LRCH3: variants seen among roughly 807,000 people sequenced by gnomAD.
The protein encoded by LRCH3 is leucine rich repeats and calponin homology domain containing 3.
LRCH3 carries 68 observed loss-of-function variants against 104.5 expected under a neutral mutation model. The observed-to-expected ratio is 0.65, with a 90% confidence interval of 0.54 to 0.80. The LOEUF is 0.80. LRCH3 is among the 30% of genes least tolerant of loss of function. LRCH3 has a pLI of 0.00. For missense variants in LRCH3, 951 were observed against 953.9 expected (o/e 1.00, Z 0.04); for synonymous variants, 344 against 361.3 (o/e 0.95, Z 0.54).
At chr3:197,876,251 A>G (rs1712874791) in intron 20 of LRCH3, 1 of 152,400 alleles carries the variant, frequency 6.6e-6, no homozygotes, top group African/African-American at 2.4e-5. Flanking sequence ...AACATAGGAC[A>G]GTAATTCAAA....
chr3:197,880,660 G>C, intron 20 of LRCH3: 1 of 1,536,714 alleles, frequency 6.5e-7, no homozygotes. Flanking sequence ...GCATTTTACT[G>C]TACTGTGATG....
chr3:197,858,814 CTT>C lies in LRCH3; in HGVS notation c.1645-18_1645-17del, dbSNP rs779137544. On this transcript the variant is annotated intron_variant, in intron 14 of 20. Coordinates refer to ENST00000425562, the MANE Select transcript of LRCH3 (RefSeq NM_001365715.1). ...ATAAATGCTGCCTTCTGTTTCTTCTCTTTCTCATTTGAAATGTAGTCGCTGTC... is the reference window on the plus strand; with the variant it reads ...ATAAATGCTGCCTTCTGTTTCTTCTCTCTCATTTGAAATGTAGTCGCTGTC... 11 of 1,605,836 alleles carry C rather than the reference CTT, an allele frequency of 6.9e-6. No individual in the cohort carries two copies. The Admixed American group carries it at 1.8e-4, about 27-fold the overall frequency.
chr3:197,795,683 GTTGTTTTTTTTTT>G (rs1460598719), intron 1 of LRCH3, among the ~76,000 whole-genome samples: 104 of 92,272 alleles, frequency 1.1e-3, no homozygotes, highest in African/African-American at 4.5e-3. Context: ...TAAAAAAGTT[GTTGTTTTTTTTTT>G]TTTTTTTTTT....
chr3:197,805,029 A>G (rs1296732149), intron 1 of LRCH3, among the ~76,000 whole-genome samples: 3 of 151,688 alleles, frequency 2.0e-5, no homozygotes, highest in Non-Finnish European at 4.4e-5. Flanking sequence ...TGAGTAGCTG[A>G]GATTACAGGT....
chr3:197,803,742 T>C (rs1732152860), intron 1 of LRCH3, among the ~76,000 whole-genome samples: 1 of 152,146 alleles, frequency 6.6e-6, no homozygotes, highest in Non-Finnish European at 1.5e-5. Flanking sequence ...TTCTATGGCA[T>C]GCCATAGAAG....
chr3:197,839,214 T>A (rs1737413618), intron 9 of LRCH3, 107 bp from the exon 10 acceptor site: 3 of 694,992 alleles, frequency 4.3e-6, no homozygotes, highest in African/African-American at 1.9e-5. Flanking sequence ...TATTAAAATG[T>A]TTTTTAGTGT....
chr3:197,858,826 A>G lies in LRCH3; in HGVS notation c.1645-8A>G, dbSNP rs1201869496. 6.2e-7 allele frequency: 1 copy of G among 1,612,092 alleles called. No homozygotes were observed. Among genetic ancestry groups the G allele is most frequent in the Non-Finnish European group, 8.5e-7 (1 of 1,178,218 alleles). ...TTCTGTTTCTTCTCTTTCTCATTTGAAATGTAGTCGCTGTCAGGGTTGAAT... is the reference window on the plus strand; with the variant it reads ...TTCTGTTTCTTCTCTTTCTCATTTGGAATGTAGTCGCTGTCAGGGTTGAAT... On this transcript the variant is annotated splice_region_variant and splice_polypyrimidine_tract_variant and intron_variant, in intron 14 of 20. Transcript: ENST00000425562.
At chr3:197,878,567 C>G (rs890959621) in intron 20 of LRCH3, among the ~76,000 whole-genome samples, 3 of 152,190 alleles carry the variant, frequency 2.0e-5, no homozygotes, top group Admixed American at 2.0e-4. Context: ...TGGACGTTCC[C>G]ATAGGCTGCC....
intron 15 of LRCH3, chr3:197,859,289 G>A (rs946873524): frequency 1.5e-5 from 3 of 203,192 alleles, no homozygotes; most frequent in Non-Finnish European, 3.0e-5. Flanking sequence ...TCTACAGTAG[G>A]GGTCAACCAA....
rs116277137 is a variant in LRCH3, at chr3:197,826,213, G to A, written c.641-665G>A. Among the ~76,000 whole-genome samples the A allele has an allele frequency of 2.4e-3, 365 of 152,228 alleles. 2 individuals carry two copies. The highest frequency in any genetic ancestry group is 8.1e-3 in the African/African-American group (336 of 41,546). ...AGAAATTCTGTATCATTATATAAAG[G>A]CCTTTTATATGGGACTGTGAAGTTT... On this transcript the variant is annotated intron_variant, in intron 4 of 20. Coordinates refer to ENST00000425562, the MANE Select transcript of LRCH3 (RefSeq NM_001365715.1).
chr3:197,847,446 G>A lies in LRCH3; in HGVS notation c.1366G>A (p.Ala456Thr). ...GCCATCTTCCCTCCTGTCACTATCA[G>A]CAAGTCACAATCAGGTAATGTTTAG... ...AEPSSLLSLS[A>T]SHNQLSHTDL... Residue 456 changes from alanine to threonine, a missense_variant, in exon 11 of 21, where the codon GCA becomes ACA. By Grantham distance (58) the Ala-to-Thr change is moderately conservative. Transcript: ENST00000425562. 1 of 1,598,440 alleles carries A rather than the reference G, an allele frequency of 6.3e-7. No individual in the cohort carries two copies. The highest frequency in any genetic ancestry group is 8.5e-7 in the Non-Finnish European group (1 of 1,174,268).
chr3:197,830,763 TC>T lies in LRCH3; in HGVS notation c.888-6del. The T allele has an allele frequency of 6.2e-7, 1 of 1,609,690 alleles. No homozygotes were observed. The highest frequency in any genetic ancestry group is 8.5e-7 in the Non-Finnish European group (1 of 1,176,898). Reference sequence around the variant, plus strand: ...AACTTTGCAGTAACAGAGTCTCTTTTCGGCAGCCATGAAGAACTGTACTCAA... The same window carrying T: ...AACTTTGCAGTAACAGAGTCTCTTTTGGCAGCCATGAAGAACTGTACTCAA... On this transcript the variant is annotated splice_region_variant and splice_polypyrimidine_tract_variant and intron_variant, in intron 6 of 20. Transcript: ENST00000425562.
At chr3:197,809,595 T>C (rs898045301) in intron 1 of LRCH3, among the ~76,000 whole-genome samples, 41 of 148,828 alleles carry the variant, frequency 2.8e-4, no homozygotes, top group African/African-American at 9.8e-4. Flanking sequence ...TTTTTTTTTT[T>C]CCCCCAATCT....
chr3:197,851,672 AATT>A (rs1209570171), intron 12 of LRCH3, among the ~76,000 whole-genome samples: 6 of 152,212 alleles, frequency 3.9e-5, no homozygotes, highest in African/African-American at 9.6e-5. Context: ...ACTATCTCAG[AATT>A]ATTATGGATA....
intron 10 of LRCH3, among the ~76,000 whole-genome samples, chr3:197,842,795 T>G (rs1030981554): frequency 3.3e-5 from 5 of 152,090 alleles, no homozygotes; most frequent in Admixed American, 1.3e-4. Flanking sequence ...TTAAAATAAT[T>G]TTTTATGGGC....
intron 4 of LRCH3, among the ~76,000 whole-genome samples, chr3:197,825,294 G>T (rs536680462): frequency 2.7e-5 from 4 of 150,558 alleles, no homozygotes; most frequent in Non-Finnish European, 5.9e-5. Flanking sequence ...TAATGTGCTG[G>T]ATACTTGGTG....
intron 1 of LRCH3, among the ~76,000 whole-genome samples, chr3:197,800,843 C>T (rs1282460983): frequency 6.6e-6 from 1 of 152,086 alleles, no homozygotes; most frequent in East Asian, 1.9e-4. Flanking sequence ...CACCTATAAT[C>T]CCAGCACTTT....
chr3:197,814,887 C>T (rs777636063), intron 1 of LRCH3, 21 bp from the exon 2 acceptor site: 17 of 1,557,548 alleles, frequency 1.1e-5, no homozygotes, highest in Middle Eastern at 1.7e-4. Flanking sequence ...GATTTTAAAC[C>T]TAATTTAATT....
chr3:197,833,455 T>C (rs968685412), intron 8 of LRCH3, among the ~76,000 whole-genome samples: 89 of 143,308 alleles, frequency 6.2e-4, no homozygotes, highest in East Asian at 8.9e-4. Context: ...GGAGAATCAC[T>C]TGAACTCGGG....
Sources: gnomAD v4.1 joint callset for allele counts (sites outside exome capture counted in the v4.1 genomes callset) on GRCh38, gnomAD v4.1.1 for gene constraint, MANE v1.5 for transcripts, NCBI Gene and HGNC (gene_info 2026-07-23, HGNC 2026-07-21) for gene names.